The following ITPR2 variants were observed in gnomAD, a reference collection of about 807,000 sequenced individuals.
ITPR2 encodes inositol 1,4,5-trisphosphate-gated calcium channel ITPR2.
ITPR2 carries 207 observed loss-of-function variants against 317.1 expected under a neutral mutation model. The ratio of observed to expected loss-of-function variants is 0.65; its 90% CI spans 0.58 to 0.73. ITPR2 has a LOEUF of 0.73. Among genes scored for constraint, ITPR2 ranks in the 30% least tolerant of loss-of-function variants. The pLI is 0.00. For missense variants in ITPR2, 2,613 were observed against 3,284.0 expected (o/e 0.80, Z 4.99); for synonymous variants, 1,156 against 1,149.1 (o/e 1.01, Z -0.12).
chr12:26,799,975 T>G (rs1336982370), intron 1 of ITPR2, among the ~76,000 whole-genome samples: 2 of 152,214 alleles, frequency 1.3e-5, no homozygotes, highest in East Asian at 3.8e-4. Flanking sequence ...GGTCCAGATC[T>G]TTACCACCAT....
Position 26,425,240 on chromosome 12 carries a change from C to T in ITPR2, c.6945+2673G>A, listed in dbSNP as rs76293818. Reference sequence around the variant, plus strand: ...ATTACAGGCATGACATAGCATCCAACCTAAAACATGTTTATTAATCCACAT... The same window carrying T: ...ATTACAGGCATGACATAGCATCCAATCTAAAACATGTTTATTAATCCACAT... On this transcript the variant is annotated intron_variant, in intron 49 of 56. Transcript: ENST00000381340. Among the ~76,000 whole-genome samples the T allele has an allele frequency of 2.7e-3, 405 of 152,152 alleles. 4 individuals carry two copies. The highest frequency in any genetic ancestry group is 9.3e-3 in the African/African-American group (388 of 41,500).
chr12:26,488,510 G>C (rs1377834736), intron 39 of ITPR2, among the ~76,000 whole-genome samples: 1 of 152,126 alleles, frequency 6.6e-6, no homozygotes, highest in Non-Finnish European at 1.5e-5. Flanking sequence ...TATACACAGA[G>C]TGTCTTATGA....
intron 28 of ITPR2, among the ~76,000 whole-genome samples, chr12:26,600,786 A>G (rs1945981943): frequency 6.7e-6 from 1 of 149,000 alleles, no homozygotes; most frequent in Admixed American, 6.7e-5. Context: ...CTCTATTCAA[A>G]CTTCCTCTCT....
chr12:26,750,864 T>G (rs1358655222), intron 2 of ITPR2, among the ~76,000 whole-genome samples: 1 of 152,200 alleles, frequency 6.6e-6, no homozygotes, highest in African/African-American at 2.4e-5. Context: ...TGCTAAAAAC[T>G]TTAGAGATCA....
At chr12:26,551,564 C>T (rs975181236) in intron 36 of ITPR2, among the ~76,000 whole-genome samples, 1 of 152,204 alleles carries the variant, frequency 6.6e-6, no homozygotes, top group African/African-American at 2.4e-5. Context: ...ACACAGCCCC[C>T]TGAATGAGCA....
intron 34 of ITPR2, among the ~76,000 whole-genome samples, chr12:26,576,148 T>G: frequency 1.3e-5 from 2 of 152,204 alleles, no homozygotes; most frequent in Non-Finnish European, 2.9e-5. Flanking sequence ...CTTTTATTGG[T>G]TAGTGTGTTT....
Position 26,832,866 on chromosome 12 carries a change from G to C in ITPR2, c.-85C>G, listed in dbSNP as rs927712127. 9.2e-7 allele frequency: 1 copy of C among 1,085,148 alleles called. No individual in the cohort carries two copies. Among genetic ancestry groups the C allele is most frequent in the South Asian group, 1.3e-5 (1 of 76,182 alleles). 67.2% of individuals were successfully genotyped at this position (1,085,148 alleles called of 1,614,324 possible). On this transcript the variant is annotated 5_prime_UTR_variant, in exon 1 of 57. Coordinates refer to ENST00000381340, the MANE Select transcript of ITPR2 (RefSeq NM_002223.4). ...TCCAGGGAGCCGCCGCGGCAGAAGC[G>C]GATCGGATCGCGGGACTACAGCGGC...
At chr12:26,525,949 T>A (rs1472732563) in intron 37 of ITPR2, among the ~76,000 whole-genome samples, 1 of 152,220 alleles carries the variant, frequency 6.6e-6, no homozygotes, top group East Asian at 1.9e-4. Context: ...ACTGCCAGCA[T>A]TCCTGCTAGG....
chr12:26,699,549 C>A (rs1948408383), intron 9 of ITPR2, among the ~76,000 whole-genome samples: 2 of 152,248 alleles, frequency 1.3e-5, no homozygotes, highest in South Asian at 4.1e-4. Flanking sequence ...TTAGATTTTG[C>A]CTCATCTGTG....
chr12:26,393,112 T>C (rs887296422), intron 54 of ITPR2, among the ~76,000 whole-genome samples: 2 of 152,326 alleles, frequency 1.3e-5, no homozygotes, highest in East Asian at 3.9e-4. Context: ...ACTAGGTCCA[T>C]TGCCTGTCAC....
intron 2 of ITPR2, among the ~76,000 whole-genome samples, chr12:26,729,942 A>T (rs1187329774): frequency 1.3e-5 from 2 of 152,166 alleles, no homozygotes; most frequent in East Asian, 3.8e-4. Context: ...CTGCACTTGT[A>T]ACCCTGAAGT....
At chr12:26,613,991 A>G (rs1409226656) in intron 26 of ITPR2, among the ~76,000 whole-genome samples, 1 of 152,202 alleles carries the variant, frequency 6.6e-6, no homozygotes, top group African/African-American at 2.4e-5. Flanking sequence ...ACAAAGTTCC[A>G]AAGCATGTGG....
intron 36 of ITPR2, among the ~76,000 whole-genome samples, chr12:26,555,722 T>C (rs759590845): frequency 6.6e-6 from 1 of 152,120 alleles, no homozygotes; most frequent in Non-Finnish European, 1.5e-5. Context: ...GTCTGAGTCT[T>C]ACTAACCCTG....
chr12:26,805,024 C>T (rs557103197), intron 1 of ITPR2, among the ~76,000 whole-genome samples: 6 of 152,110 alleles, frequency 3.9e-5, no homozygotes, highest in Non-Finnish European at 7.4e-5. Context: ...CGTGAACCAC[C>T]GCACCAGGCC....
intron 22 of ITPR2, chr12:26,630,755 T>C (rs577442004): frequency 6.6e-6 from 1 of 152,260 alleles, no homozygotes; most frequent in East Asian, 1.9e-4. Flanking sequence ...AATGCTTTTT[T>C]TCTGTAAATG....
In ITPR2 at chr12:26,722,561, G is replaced by A; in HGVS notation, c.367-6C>T. 6.2e-7 allele frequency: 1 copy of A among 1,603,046 alleles called. No homozygotes were observed. Among genetic ancestry groups the A allele is most frequent in the East Asian group, 2.2e-5 (1 of 44,730 alleles). On this transcript the variant is annotated splice_region_variant and splice_polypyrimidine_tract_variant and intron_variant, in intron 4 of 56. Transcript: ENST00000381340. ...TTGCTTTTTATATGCAGTAGCTATA[G>A]GGAAAAGACATAGATTACCACCTTT...
chr12:26,557,983 G>A (rs1023245430), intron 35 of ITPR2, among the ~76,000 whole-genome samples: 2 of 152,052 alleles, frequency 1.3e-5, no homozygotes, highest in Non-Finnish European at 2.9e-5. Flanking sequence ...CACAGATGGG[G>A]ATGTCACCCT....
At chr12:26,596,822 A>C in intron 31 of ITPR2, 61 bp downstream of exon 31, 1 of 1,415,934 alleles carries the variant, frequency 7.1e-7, no homozygotes, top group East Asian at 2.4e-5. Context: ...TCTGGCACCT[A>C]GATAAACTTC....
At chr12:26,569,410 C>T (rs1220294520) in intron 34 of ITPR2, among the ~76,000 whole-genome samples, 1 of 151,326 alleles carries the variant, frequency 6.6e-6, no homozygotes, top group Non-Finnish European at 1.5e-5. Context: ...AAAAATTAGC[C>T]GGGTGTGGCA....
Sources: gnomAD v4.1 joint callset for allele counts (sites outside exome capture counted in the v4.1 genomes callset) on GRCh38, gnomAD v4.1.1 for gene constraint, MANE v1.5 for transcripts, NCBI Gene and HGNC (gene_info 2026-07-23, HGNC 2026-07-21) for gene names.